GNAS-AS1: variants seen among roughly 807,000 people sequenced by gnomAD.
GNAS-AS1 encodes the protein GNAS antisense RNA 1 (non-protein coding).
At chr20:58,821,178 C>A (rs2085484443) in intron 4 of GNAS-AS1, among the ~76,000 whole-genome samples, 1 of 152,218 alleles carries the variant, frequency 6.6e-6, no homozygotes, top group African/African-American at 2.4e-5. Context: ...CCTTCCCTGG[C>A]CCCTGCTCAC....
At chr20:58,819,946 C>G (rs765608041) in intron 4 of GNAS-AS1, among the ~76,000 whole-genome samples, 1 of 152,224 alleles carries the variant, frequency 6.6e-6, no homozygotes, top group African/African-American at 2.4e-5. Flanking sequence ...GGTCCTCGCA[C>G]CCCGCCCCAG....
In GNAS-AS1 at chr20:58,850,360, G is replaced by A. The variant is rs555524494; in HGVS notation, n.374+170C>T. ...CTGGCAAAGCTCATGATATCAGAAA[G>A]AATGAACAAAGGGGTCCCACAGACC... On this transcript the variant is annotated intron_variant and non_coding_transcript_variant, in intron 1 of 4. Coordinates refer to ENST00000424094, the Ensembl canonical transcript of GNAS-AS1. Among the ~76,000 whole-genome samples, 39 of 152,294 alleles carry A rather than the reference G, an allele frequency of 2.6e-4. No individual in the cohort carries two copies. In the South Asian group the frequency reaches 7.9e-3, roughly 31 times the overall value.
chr20:58,840,932 A>G lies in GNAS-AS1; in HGVS notation n.819+1005T>C. The G allele has an allele frequency of 1.2e-6, 2 of 1,601,560 alleles. No homozygotes were observed. Among genetic ancestry groups the G allele is most frequent in the Non-Finnish European group, 1.7e-6 (2 of 1,172,762 alleles). Reference sequence around the variant, plus strand: ...CTGGGGAGCCTGAGGGCGGTGTGGGAGCAGCGCAGGTGGAAAGGAGGTGAG... The same window carrying G: ...CTGGGGAGCCTGAGGGCGGTGTGGGGGCAGCGCAGGTGGAAAGGAGGTGAG... On this transcript the variant is annotated intron_variant and non_coding_transcript_variant, in intron 4 of 4. Coordinates refer to ENST00000424094, the Ensembl canonical transcript of GNAS-AS1. This position sits in a 1 kb window ranked among gnomAD's most constrained non-coding sequence, Gnocchi z 6.0.
chr20:58,849,909 A>G (rs2086088865), intron 1 of GNAS-AS1, among the ~76,000 whole-genome samples: 1 of 152,198 alleles, frequency 6.6e-6, no homozygotes, highest in Non-Finnish European at 1.5e-5. Flanking sequence ...CAGAACAAAA[A>G]ACTTTCAACA....
chr20:58,841,539 G>C lies in GNAS-AS1; in HGVS notation n.819+398C>G. 1 of 995,424 alleles carries C rather than the reference G, an allele frequency of 1.0e-6. No individual in the cohort carries two copies. Among genetic ancestry groups the C allele is most frequent in the Non-Finnish European group, 1.2e-6 (1 of 837,050 alleles). The allele number at this position is 995,424 out of a possible 1,614,324, so 61.7% of individuals were successfully genotyped here. On this transcript the variant is annotated intron_variant and non_coding_transcript_variant, in intron 4 of 4. Transcript: ENST00000424094. The surrounding 1 kb of genome is among the most constrained non-coding windows in gnomAD (Gnocchi z 5.0). ...GCGCCAGTGCCTCCAGCTGCCGTGC[G>C]CCAGCCTTGGCCGCCACAGCCCGCC...
In GNAS-AS1 at chr20:58,841,838, G is replaced by T. The variant is rs149626880; in HGVS notation, n.819+99C>A. 7 of 1,230,874 alleles carry T rather than the reference G, an allele frequency of 5.7e-6. No individual in the cohort carries two copies. The Admixed American group carries it at 3.0e-4, about 52-fold the overall frequency. 76.2% of individuals were successfully genotyped at this position (1,230,874 alleles called of 1,614,324 possible). On this transcript the variant is annotated intron_variant and non_coding_transcript_variant, in intron 4 of 4. Transcript: ENST00000424094. The surrounding 1 kb of genome is among the most constrained non-coding windows in gnomAD (Gnocchi z 5.0). ...GAGACGTCCTGGGCTGTTTGCGCAG[G>T]ACCTCTGGAGGCCCTCGAGATCGTC...
chr20:58,820,287 C>T (rs778939619), intron 4 of GNAS-AS1, among the ~76,000 whole-genome samples: 1 of 152,232 alleles, frequency 6.6e-6, no homozygotes, highest in Non-Finnish European at 1.5e-5. Context: ...CCCACAGAGC[C>T]CTGCCTCCTG....
At chr20:58,837,930 G>T (rs1449468365) in intron 4 of GNAS-AS1, among the ~76,000 whole-genome samples, 2 of 152,202 alleles carry the variant, frequency 1.3e-5, no homozygotes, top group Non-Finnish European at 2.9e-5. Context: ...TTCCATCATG[G>T]TGAGAATGGC....
At chr20:58,819,350 C>T (rs924696291) in intron 4 of GNAS-AS1, 5 of 397,618 alleles carry the variant, frequency 1.3e-5, no homozygotes, top group East Asian at 3.6e-5. Flanking sequence ...CACTCACCTG[C>T]GGCATGATCG....
At chr20:58,826,451 C>T (rs941390328) in intron 4 of GNAS-AS1, among the ~76,000 whole-genome samples, 7 of 152,080 alleles carry the variant, frequency 4.6e-5, no homozygotes, top group East Asian at 1.9e-4. Flanking sequence ...TCTATGCCTA[C>T]GACGAGTGGG....
chr20:58,838,810 A>G, intron 4 of GNAS-AS1: 1 of 389,728 alleles, frequency 2.6e-6, no homozygotes, highest in Non-Finnish European at 4.5e-6. Flanking sequence ...CCAGCTACTC[A>G]GGAGGCTTAG....
chr20:58,827,634 A>G (rs932966367), intron 4 of GNAS-AS1, among the ~76,000 whole-genome samples: 44 of 152,240 alleles, frequency 2.9e-4, no homozygotes, highest in African/African-American at 9.4e-4. Context: ...CGATGAGGTG[A>G]TGGTGAAATA....
At chr20:58,847,920 T>C (rs571068720) in intron 2 of GNAS-AS1, among the ~76,000 whole-genome samples, 11 of 152,208 alleles carry the variant, frequency 7.2e-5, no homozygotes, top group Non-Finnish European at 1.2e-4. Flanking sequence ...ACATATGCCA[T>C]GAAAGCATCA....
intron 4 of GNAS-AS1, chr20:58,839,488 C>A: frequency 2.5e-6 from 1 of 402,168 alleles, no homozygotes; most frequent in Non-Finnish European, 4.4e-6. Context: ...AGCCTGCGCC[C>A]ACCTGCCCAA....
chr20:58,843,430 A>AT (rs2085821061), intron 2 of GNAS-AS1: 1 of 152,180 alleles, frequency 6.6e-6, no homozygotes, highest in South Asian at 2.1e-4. Context: ...TTCCAGAGCC[A>AT]TTTTTAGCAA....
chr20:58,847,973 C>G (rs557967402), intron 2 of GNAS-AS1, among the ~76,000 whole-genome samples: 1 of 152,214 alleles, frequency 6.6e-6, no homozygotes, highest in Non-Finnish European at 1.5e-5. Context: ...GCATCACGTG[C>G]GGCTTCCAAG....
rs2086045743 is a variant in GNAS-AS1 at position 58,848,900 on chromosome 20, G to T, written n.392C>A. 1.8e-5 allele frequency: 7 copies of T among 398,562 alleles called. No homozygotes were observed. The East Asian group carries it at 2.5e-4, about 14-fold the overall frequency. 24.7% of individuals were successfully genotyped at this position (398,562 alleles called of 1,614,324 possible). On this transcript the variant is annotated non_coding_transcript_exon_variant, in exon 2 of 5. Coordinates refer to ENST00000424094, the Ensembl canonical transcript of GNAS-AS1. ...TCACCTAAAGGACTTAGGTTTTTCAGAGTCTGGTAGCCAGTCACTACAGAG... is the reference window on the plus strand; with the variant it reads ...TCACCTAAAGGACTTAGGTTTTTCATAGTCTGGTAGCCAGTCACTACAGAG...
Position 58,840,069 on chromosome 20 carries a change from C to A in GNAS-AS1, n.819+1868G>T. ...GCTTCGGAGCCACTCTCTGCAGAGC[C>A]AGAGGGCAGGCCGGCTTCTCGGTGT... On this transcript the variant is annotated intron_variant and non_coding_transcript_variant, in intron 4 of 4. Transcript: ENST00000424094. This position sits in a 1 kb window ranked among gnomAD's most constrained non-coding sequence, Gnocchi z 6.0. 1 of 1,606,680 alleles carries A rather than the reference C, an allele frequency of 6.2e-7. No individual in the cohort carries two copies. The highest frequency in any genetic ancestry group is 8.5e-7 in the Non-Finnish European group (1 of 1,179,286).
At chr20:58,833,625 CA>C (rs1274724241) in intron 4 of GNAS-AS1, among the ~76,000 whole-genome samples, 1 of 152,106 alleles carries the variant, frequency 6.6e-6, no homozygotes, top group African/African-American at 2.4e-5. Context: ...GTATCCACCA[CA>C]AGGAAGCCAA....
Sources: allele counts gnomAD v4.1 joint callset (sites outside exome capture counted in the v4.1 genomes callset), GRCh38; gene constraint gnomAD v4.1.1; non-coding constraint Gnocchi (gnomAD v3.1); transcripts MANE v1.5; gene names NCBI Gene and HGNC (gene_info 2026-07-23, HGNC 2026-07-21).